Variants in ASCC1 observed in about 807,000 individuals in gnomAD.
ASCC1 encodes ASC-1 complex subunit P50.
A neutral mutation model predicts 46.6 loss-of-function variants in ASCC1; 35 were observed. The observed-to-expected ratio is 0.75, with a 90% CI of 0.57 to 0.99. ASCC1 has a LOEUF of 0.99. Among genes scored for constraint, ASCC1 ranks in the 50% least tolerant of loss-of-function variants. The pLI is 0.00. For synonymous variants in ASCC1, 143 were observed against 146.6 expected (o/e 0.98, Z 0.18); for missense variants, 376 against 428.7 (o/e 0.88, Z 1.09).
At chr10:72,157,956 T>G (rs1043596391) in intron 6 of ASCC1, among the ~76,000 whole-genome samples, 1 of 152,230 alleles carries the variant, frequency 6.6e-6, no homozygotes, top group African/African-American at 2.4e-5. Flanking sequence ...TATACCATCC[T>G]TATGGTTTCT....
intron 2 of ASCC1, among the ~76,000 whole-genome samples, chr10:72,211,155 A>G (rs12248808): frequency 0.14 from 21,520 of 152,200 alleles, 4,342 homozygotes; most frequent in African/African-American, 0.45. Context: ...ACTGCTGTCC[A>G]AAACTATTAC....
intron 4 of ASCC1, among the ~76,000 whole-genome samples, chr10:72,201,502 T>G (rs374852545): frequency 2.0e-5 from 3 of 150,648 alleles, no homozygotes; most frequent in Middle Eastern, 7.1e-3. Context: ...CTGGGCAACA[T>G]AGCAAGACCC....
At chr10:72,111,486 C>CA (rs956774311) in intron 9 of ASCC1, among the ~76,000 whole-genome samples, 58 of 146,018 alleles carry the variant, frequency 4.0e-4, no homozygotes, top group Middle Eastern at 3.5e-3. Flanking sequence ...GACCCTATCT[C>CA]AAAAAAAAAA....
intron 7 of ASCC1, among the ~76,000 whole-genome samples, chr10:72,148,987 C>A (rs1847956899): frequency 6.6e-6 from 1 of 152,126 alleles, no homozygotes; most frequent in South Asian, 2.1e-4. Context: ...TTCTCATATA[C>A]TTCAATCAAA....
At chr10:72,107,536 C>G (rs1310009414) in intron 9 of ASCC1, among the ~76,000 whole-genome samples, 1 of 152,204 alleles carries the variant, frequency 6.6e-6, no homozygotes, top group Non-Finnish European at 1.5e-5. Flanking sequence ...AAAATACTCA[C>G]ATGGGCTGTG....
intron 7 of ASCC1, among the ~76,000 whole-genome samples, chr10:72,149,326 T>C (rs1848023489): frequency 6.7e-6 from 1 of 150,004 alleles, no homozygotes; most frequent in Non-Finnish European, 1.5e-5. Flanking sequence ...TAGTCTCAGC[T>C]ACTCAGGAGG....
At chr10:72,216,762 T>A (rs1489400803), upstream of ASCC1, 1 of 454,598 alleles carries the variant, frequency 2.2e-6, no homozygotes. Context: ...CACAGCAATC[T>A]GTGTCCACAA....
intron 9 of ASCC1, among the ~76,000 whole-genome samples, chr10:72,101,468 G>A (rs960232858): frequency 1.3e-5 from 2 of 152,108 alleles, no homozygotes; most frequent in Admixed American, 1.3e-4. Flanking sequence ...GGCAGGTATA[G>A]GGCGTAACAC....
chr10:72,204,452 T>A, intron 3 of ASCC1: 1 of 1,550,354 alleles, frequency 6.5e-7, no homozygotes, highest in South Asian at 1.2e-5. Flanking sequence ...ATTCTGACAA[T>A]CCAAAGTTAT....
intron 7 of ASCC1, among the ~76,000 whole-genome samples, chr10:72,149,234 C>T (rs1425793126): frequency 1.3e-5 from 2 of 151,570 alleles, no homozygotes; most frequent in African/African-American, 4.8e-5. Context: ...GTCAGGAGAT[C>T]AAGACCATCC....
At chr10:72,162,676 C>T (rs1364719047) in intron 5 of ASCC1, among the ~76,000 whole-genome samples, 1 of 152,056 alleles carries the variant, frequency 6.6e-6, no homozygotes, top group Non-Finnish European at 1.5e-5. Flanking sequence ...GGCACAGTGG[C>T]TCACGCCTGT....
chr10:72,208,304 C>G (rs2133449523), intron 3 of ASCC1, among the ~76,000 whole-genome samples: 1 of 149,502 alleles, frequency 6.7e-6, no homozygotes, highest in East Asian at 1.9e-4. Context: ...CACACCAAGA[C>G]CTGTTACACT....
At chr10:72,203,210 C>T (rs551661206) in intron 4 of ASCC1, among the ~76,000 whole-genome samples, 1 of 148,822 alleles carries the variant, frequency 6.7e-6, no homozygotes, top group East Asian at 2.0e-4. Flanking sequence ...CGCTTGATTC[C>T]GGGAGGCGGA....
intron 9 of ASCC1, among the ~76,000 whole-genome samples, chr10:72,116,574 T>G (rs1484843545): frequency 6.6e-6 from 1 of 152,256 alleles, no homozygotes; most frequent in Non-Finnish European, 1.5e-5. Context: ...GTTCTCTTTC[T>G]GTAATTTTTA....
In ASCC1 at chr10:72,100,513, CACCA is replaced by C. The variant is rs1841628804; in HGVS notation, c.958-3067_958-3064del. Among the ~76,000 whole-genome samples, 11 of 152,280 alleles carry C rather than the reference CACCA, an allele frequency of 7.2e-5. No individual in the cohort carries two copies. The South Asian group carries it at 2.3e-3, about 32-fold the overall frequency. On this transcript the variant is annotated intron_variant, in intron 9 of 9. Coordinates refer to ENST00000672957, the MANE Select transcript of ASCC1 (RefSeq NM_001198800.3). ...AAGTGCTGGGATTACAGGCATGAGC[CACCA>C]TGCCCAGCCTATTATATCTTTATTC... is the stretch of plus-strand genomic sequence containing the variant.
chr10:72,101,228 T>G (rs972814081), intron 9 of ASCC1, among the ~76,000 whole-genome samples: 1 of 152,168 alleles, frequency 6.6e-6, no homozygotes, highest in Non-Finnish European at 1.5e-5. Flanking sequence ...GTCCATCTTA[T>G]GAAAAGTCAC....
intron 5 of ASCC1, among the ~76,000 whole-genome samples, chr10:72,170,553 C>A (rs916079801): frequency 6.8e-6 from 1 of 146,984 alleles, no homozygotes; most frequent in Admixed American, 6.8e-5. Flanking sequence ...CTCACAGCAC[C>A]GCACTACACC....
intron 7 of ASCC1, among the ~76,000 whole-genome samples, chr10:72,139,109 TTTTTC>T (rs902781890): frequency 3.4e-5 from 5 of 147,322 alleles, no homozygotes; most frequent in African/African-American, 1.3e-4. Context: ...TTCTTTTTTC[TTTTTC>T]TTTTTTTTTT....
intron 7 of ASCC1, among the ~76,000 whole-genome samples, chr10:72,136,436 T>C (rs1846213539): frequency 6.6e-6 from 1 of 152,156 alleles, no homozygotes; most frequent in Non-Finnish European, 1.5e-5. Flanking sequence ...ACTCTGTGTC[T>C]AGCTAAAGGA....
Sources: allele counts gnomAD v4.1 joint callset (sites outside exome capture counted in the v4.1 genomes callset), GRCh38; gene constraint gnomAD v4.1.1; transcripts MANE v1.5; gene names NCBI Gene and HGNC (gene_info 2026-07-23, HGNC 2026-07-21).